Variants in EYS observed in about 807,000 individuals in gnomAD.
EYS encodes the protein EGF-like photoreceptor maintenance factor, also known as protein eyes shut homolog.
In EYS, 250 loss-of-function variants were observed where a neutral mutation model predicts 282.1. That is an observed-to-expected ratio of 0.89 (90% CI 0.80 to 0.98). EYS has a LOEUF of 0.98. Among genes scored for constraint, EYS ranks in the 50% least tolerant of loss-of-function variants. The probability of loss-of-function intolerance (pLI) is 0.00; values close to 1 mark genes in which losing one functional copy is unlikely to be tolerated. For missense variants in EYS, 4,016 were observed against 3,709.0 expected (o/e 1.08, Z -2.15); for synonymous variants, 1,355 against 1,282.9 (o/e 1.06, Z -1.20).
chr6:64,626,259 A>G lies in EYS; in HGVS notation c.3444-14T>C. The G allele has an allele frequency of 6.6e-7, 1 of 1,519,326 alleles. No individual in the cohort carries two copies. The highest frequency in any genetic ancestry group is 2.5e-5 in the East Asian group (1 of 40,336). 94.1% of individuals were successfully genotyped at this position (1,519,326 alleles called of 1,614,324 possible). On this transcript the variant is annotated splice_polypyrimidine_tract_variant and intron_variant, in intron 22 of 42. Transcript: ENST00000503581. ...CCAGGAAGACATCTAAGGAAAAAAA[A>G]TGAAAACGATATTTGTATATATTAT...
At chr6:64,223,254 G>T (rs1346275127) in intron 31 of EYS, among the ~76,000 whole-genome samples, 1 of 151,856 alleles carries the variant, frequency 6.6e-6, no homozygotes, top group African/African-American at 2.4e-5. Flanking sequence ...AAATTATAAT[G>T]ATATTTTCTA....
intron 19 of EYS, among the ~76,000 whole-genome samples, chr6:64,851,022 A>G (rs1765865581): frequency 6.6e-6 from 1 of 152,110 alleles, no homozygotes; most frequent in Non-Finnish European, 1.5e-5. Context: ...AAACTTGTGT[A>G]CATTGTGGTG....
intron 19 of EYS, among the ~76,000 whole-genome samples, chr6:64,866,041 T>G (rs1329049178): frequency 6.6e-6 from 1 of 152,060 alleles, no homozygotes; most frequent in African/African-American, 2.4e-5. Flanking sequence ...TAAAAGATTA[T>G]GATTTATTAC....
intron 28 of EYS, among the ~76,000 whole-genome samples, chr6:64,419,663 T>C (rs1364553890): frequency 2.6e-5 from 4 of 152,346 alleles, no homozygotes; most frequent in Middle Eastern, 3.4e-3. Context: ...AGGGCAGTCA[T>C]TAAACCTTAA....
At position 64,230,859 on chromosome 6, in the gene EYS, A is replaced by T. The variant is rs1320042063; in HGVS notation, c.6192-35T>A. On this transcript the variant is annotated intron_variant, in intron 30 of 42. Transcript: ENST00000503581. Reference sequence around the variant, plus strand: ...ATAAACAGACAAGAAAACAAAATATAAGTAAAAGCACTAGGAACATAAATA... The same window carrying T: ...ATAAACAGACAAGAAAACAAAATATTAGTAAAAGCACTAGGAACATAAATA... 4 of 1,288,208 alleles carry T rather than the reference A, an allele frequency of 3.1e-6. No homozygotes were observed. The South Asian group carries it at 5.6e-5, about 18-fold the overall frequency. 79.8% of individuals were successfully genotyped at this position (1,288,208 alleles called of 1,614,324 possible).
chr6:65,085,664 T>A (rs560949137), intron 12 of EYS, among the ~76,000 whole-genome samples: 44 of 152,172 alleles, frequency 2.9e-4, no homozygotes, highest in Admixed American at 9.2e-4. Flanking sequence ...ATGACTTTTT[T>A]AAAAAAAATC....
chr6:65,435,728 C>T (rs930470319), intron 5 of EYS, among the ~76,000 whole-genome samples: 1 of 152,012 alleles, frequency 6.6e-6, no homozygotes, highest in African/African-American at 2.4e-5. Flanking sequence ...CCAGCCCCCA[C>T]CCCAATAATT....
At chr6:63,787,333 A>G (rs1770391356) in intron 39 of EYS, 1 of 152,202 alleles carries the variant, frequency 6.6e-6, no homozygotes, top group African/African-American at 2.4e-5. Context: ...CCTTGGTGGT[A>G]TGGATGGGTT....
chr6:64,944,326 T>G lies in EYS; in HGVS notation c.2381+1467A>C, dbSNP rs141880578. Among the ~76,000 whole-genome samples, 11 of 152,094 alleles carry G rather than the reference T, an allele frequency of 7.2e-5. No individual in the cohort carries two copies. The East Asian group carries it at 2.1e-3, about 30-fold the overall frequency. ...TCAGCCTTGATAAATAATTTATGAG[T>G]GAGTCCACAAAAGCAACTACAACAA... On this transcript the variant is annotated intron_variant, in intron 15 of 42. Coordinates refer to ENST00000503581, the MANE Select transcript of EYS (RefSeq NM_001142800.2).
Position 65,392,221 on chromosome 6 carries a change from G to A in EYS, c.1185-7721C>T, listed in dbSNP as rs560736505. Among the ~76,000 whole-genome samples the A allele has an allele frequency of 1.1e-4, 16 of 151,672 alleles. No homozygotes were observed. In the East Asian group the frequency reaches 3.1e-3, roughly 29 times the overall value. On this transcript the variant is annotated intron_variant, in intron 7 of 42. Coordinates refer to ENST00000503581, the MANE Select transcript of EYS (RefSeq NM_001142800.2). ...TAGACCTAAAACCATAAAAACCCTA[G>A]AAGAAAACCTAGGCATTACCATTCA...
At chr6:64,931,524 T>C (rs1768722455) in intron 15 of EYS, among the ~76,000 whole-genome samples, 2 of 152,042 alleles carry the variant, frequency 1.3e-5, no homozygotes, top group Non-Finnish European at 2.9e-5. Context: ...TCTTCATTTG[T>C]TGTACATATA....
chr6:64,598,634 T>A (rs651624), intron 24 of EYS, among the ~76,000 whole-genome samples: 18,634 of 152,252 alleles, frequency 0.12, 1,177 homozygotes, highest in East Asian at 0.17. Flanking sequence ...ATCTGCTTTC[T>A]TGTGGACATT....
At chr6:65,561,469 C>T (rs748266565) in intron 2 of EYS, among the ~76,000 whole-genome samples, 1 of 151,928 alleles carries the variant, frequency 6.6e-6, no homozygotes, top group Admixed American at 6.6e-5. Flanking sequence ...GAATTCAGAC[C>T]CTCATTATCT....
At chr6:65,134,713 T>C (rs981147025) in intron 12 of EYS, among the ~76,000 whole-genome samples, 2 of 151,946 alleles carry the variant, frequency 1.3e-5, no homozygotes, top group African/African-American at 4.8e-5. Context: ...AGTTTACCTA[T>C]ATAACAAACC....
chr6:65,443,569 C>T (rs1768517460), intron 5 of EYS, among the ~76,000 whole-genome samples: 1 of 151,426 alleles, frequency 6.6e-6, no homozygotes, highest in African/African-American at 2.4e-5. Context: ...TGTATACACA[C>T]ATATGTGTAT....
intron 30 of EYS, among the ~76,000 whole-genome samples, chr6:64,274,956 C>T (rs1418152944): frequency 6.6e-6 from 1 of 152,158 alleles, no homozygotes; most frequent in East Asian, 1.9e-4. Flanking sequence ...GAGCTCTGAA[C>T]GTGATTTCAG....
chr6:65,018,690 GGTTT>G (rs369644838), intron 13 of EYS, among the ~76,000 whole-genome samples: 3 of 151,822 alleles, frequency 2.0e-5, no homozygotes, highest in Admixed American at 6.6e-5. Flanking sequence ...TTTGTTTTTT[GGTTT>G]GTTTGTTTGT....
At chr6:65,427,830 T>C (rs1296081585) in intron 5 of EYS, among the ~76,000 whole-genome samples, 1 of 152,074 alleles carries the variant, frequency 6.6e-6, no homozygotes, top group Admixed American at 6.6e-5. Flanking sequence ...ATATAATTCA[T>C]GACATACTAA....
chr6:65,341,672 A>C (rs545382428), intron 10 of EYS, among the ~76,000 whole-genome samples: 1 of 151,236 alleles, frequency 6.6e-6, no homozygotes, highest in African/African-American at 2.4e-5. Flanking sequence ...AGTTGTTTAA[A>C]CTGTCTATAA....
Sources: gnomAD v4.1 joint callset for allele counts (sites outside exome capture counted in the v4.1 genomes callset) on GRCh38, gnomAD v4.1.1 for gene constraint, MANE v1.5 for transcripts, NCBI Gene and HGNC (gene_info 2026-07-23, HGNC 2026-07-21) for gene names.